GRIK2: variants seen among roughly 807,000 people sequenced by gnomAD.
GRIK2 encodes the protein glutamate receptor ionotropic, kainate 2.
GRIK2 carries 32 observed loss-of-function variants against 100.3 expected under a neutral mutation model. The observed-to-expected ratio is 0.32, with a 90% confidence interval of 0.24 to 0.43. GRIK2 has a LOEUF of 0.43. GRIK2 is among the 20% of genes least tolerant of loss of function. The pLI, the probability that GRIK2 is intolerant of heterozygous loss-of-function variation, is 1.00. For missense variants in GRIK2, 843 were observed against 1,114.9 expected (o/e 0.76, Z 3.47); for synonymous variants, 417 against 389.4 (o/e 1.07, Z -0.83).
intron 2 of GRIK2, among the ~76,000 whole-genome samples, chr6:101,503,886 G>A (rs1048946357): frequency 6.6e-6 from 1 of 152,144 alleles, no homozygotes; most frequent in African/African-American, 2.4e-5. Flanking sequence ...GCAGGAGGTT[G>A]TGGGAAGACA....
intron 7 of GRIK2, among the ~76,000 whole-genome samples, chr6:101,785,694 A>G (rs543176373): frequency 2.0e-5 from 3 of 152,136 alleles, no homozygotes; most frequent in Non-Finnish European, 2.9e-5. Flanking sequence ...TTTTATACCA[A>G]TACCATGCTG....
chr6:102,053,971 G>T (rs1052328758), intron 15 of GRIK2, among the ~76,000 whole-genome samples: 1 of 152,110 alleles, frequency 6.6e-6, no homozygotes. Flanking sequence ...ATTTTAAGAA[G>T]AGCACAGGGG....
At chr6:101,843,001 T>C (rs183975502) in intron 10 of GRIK2, among the ~76,000 whole-genome samples, 7 of 152,330 alleles carry the variant, frequency 4.6e-5, no homozygotes, top group Admixed American at 4.6e-4. Flanking sequence ...AATAGAATTC[T>C]AGTCATTGAA....
chr6:101,549,236 T>C (rs567963083), intron 2 of GRIK2, among the ~76,000 whole-genome samples: 47 of 148,650 alleles, frequency 3.2e-4, no homozygotes, highest in Non-Finnish European at 5.9e-5. Flanking sequence ...TAATGCCTCA[T>C]TGGATGATCA....
At chr6:101,809,439 C>T (rs113244213) in intron 9 of GRIK2, among the ~76,000 whole-genome samples, 3,894 of 151,916 alleles carry the variant, frequency 0.026, 176 homozygotes, top group African/African-American at 0.088. Flanking sequence ...AAAAAGGTGC[C>T]TGAATGGAAT....
chr6:101,789,245 C>T (rs1197536134), intron 7 of GRIK2, among the ~76,000 whole-genome samples: 1 of 152,074 alleles, frequency 6.6e-6, no homozygotes, highest in East Asian at 1.9e-4. Flanking sequence ...CTTTTGTTGC[C>T]ATTGCTTTTG....
chr6:101,584,194 G>A (rs562935539), intron 2 of GRIK2, among the ~76,000 whole-genome samples: 40 of 152,060 alleles, frequency 2.6e-4, no homozygotes, highest in African/African-American at 9.4e-4. Flanking sequence ...GTAATACTCA[G>A]TTTTACTTTC....
At chr6:101,985,599 C>A (rs537284655) in intron 14 of GRIK2, among the ~76,000 whole-genome samples, 4 of 151,744 alleles carry the variant, frequency 2.6e-5, no homozygotes, top group African/African-American at 9.7e-5. Flanking sequence ...CTCATCCTTA[C>A]CAGACAAACT....
At chr6:101,939,239 A>G (rs1790804568) in intron 14 of GRIK2, among the ~76,000 whole-genome samples, 1 of 152,068 alleles carries the variant, frequency 6.6e-6, no homozygotes. Context: ...TTCCTCAATC[A>G]ATACAGATTT....
In GRIK2 at chr6:101,806,745, C is replaced by T. The variant is rs1298271007; in HGVS notation, c.1203+4307C>T. 5.9e-5 allele frequency among the ~76,000 whole-genome samples: 9 copies of T among 151,458 alleles called. No individual in the cohort carries two copies. In the East Asian group the frequency reaches 1.2e-3, roughly 20 times the overall value. ...ATTCCCAGTTCCTTTGCCTGGGGAA[C>T]TCTTACTCATCCTGGTAGTATCATC... On this transcript the variant is annotated intron_variant, in intron 9 of 16. Coordinates refer to ENST00000369134, the MANE Select transcript of GRIK2 (RefSeq NM_021956.5).
intron 14 of GRIK2, among the ~76,000 whole-genome samples, chr6:101,972,196 T>C (rs9498773): frequency 0.016 from 2,482 of 152,114 alleles, 73 homozygotes; most frequent in African/African-American, 0.058. Flanking sequence ...GTGGCTGAAA[T>C]ATTAATAATT....
chr6:101,684,768 A>G (rs1771555732), intron 6 of GRIK2, among the ~76,000 whole-genome samples: 1 of 146,496 alleles, frequency 6.8e-6, no homozygotes, highest in East Asian at 2.0e-4. Flanking sequence ...ATAGTTATGT[A>G]GGAAAATTAT....
intron 2 of GRIK2, among the ~76,000 whole-genome samples, chr6:101,452,764 C>A (rs1009426766): frequency 2.0e-5 from 3 of 151,566 alleles, no homozygotes; most frequent in Admixed American, 1.3e-4. Context: ...TTAAAAAAAA[C>A]CCAACAACGA....
At chr6:101,446,687 A>G (rs1388351786) in intron 2 of GRIK2, among the ~76,000 whole-genome samples, 2 of 151,798 alleles carry the variant, frequency 1.3e-5, no homozygotes, top group Admixed American at 6.6e-5. Context: ...ACTTCAAACT[A>G]TTCTTGAATA....
At chr6:101,973,663 G>A (rs1042331907) in intron 14 of GRIK2, among the ~76,000 whole-genome samples, 1 of 151,834 alleles carries the variant, frequency 6.6e-6, no homozygotes. Flanking sequence ...AAAGGATCAG[G>A]AATGTGATAA....
intron 15 of GRIK2, among the ~76,000 whole-genome samples, chr6:102,039,726 C>T (rs959088193): frequency 6.6e-6 from 1 of 151,512 alleles, no homozygotes; most frequent in African/African-American, 2.4e-5. Context: ...ACTCAGCAGT[C>T]CGTGAGCTGG....
chr6:101,999,048 A>G (rs949031159), intron 14 of GRIK2, among the ~76,000 whole-genome samples: 1 of 151,846 alleles, frequency 6.6e-6, no homozygotes, highest in African/African-American at 2.4e-5. Context: ...TCCTGACCTC[A>G]GGTGATCCGC....
At chr6:101,860,633 G>A (rs554049223) in intron 11 of GRIK2, among the ~76,000 whole-genome samples, 24 of 152,150 alleles carry the variant, frequency 1.6e-4, no homozygotes, top group Non-Finnish European at 3.5e-4. Context: ...ATAAGGAAAG[G>A]CAGCATCAAG....
At chr6:101,424,671 C>G (rs1776609377) in intron 2 of GRIK2, among the ~76,000 whole-genome samples, 1 of 151,802 alleles carries the variant, frequency 6.6e-6, no homozygotes, top group South Asian at 2.1e-4. Flanking sequence ...CACCCATTAA[C>G]TCGTCATTTA....
Sources: gnomAD v4.1 joint callset for allele counts (sites outside exome capture counted in the v4.1 genomes callset) on GRCh38, gnomAD v4.1.1 for gene constraint, MANE v1.5 for transcripts, NCBI Gene and HGNC (gene_info 2026-07-23, HGNC 2026-07-21) for gene names.